Variants in ANKRD36 observed in about 807,000 individuals in gnomAD.
The protein encoded by ANKRD36 is ankyrin repeat domain-containing protein 36A.
In ANKRD36, 179 loss-of-function variants were observed where a neutral mutation model predicts 278.1. The observed-to-expected ratio is 0.64, with a 90% CI of 0.57 to 0.73. The LOEUF (loss-of-function observed/expected upper bound fraction) is 0.73. Ranked by LOEUF, ANKRD36 falls within the 30% of genes least tolerant of loss-of-function variation. The pLI is 0.00. For missense variants in ANKRD36, 1,159 were observed against 1,956.7 expected (o/e 0.59, Z 7.69); for synonymous variants, 320 against 641.1 (o/e 0.50, Z 7.57).
rs757600422 is a variant in ANKRD36 at position 97,196,697 on chromosome 2, C to A, written c.2581-19C>A. On this transcript the variant is annotated intron_variant, in intron 41 of 75. Coordinates refer to ENST00000420699, the MANE Select transcript of ANKRD36 (RefSeq NM_001354587.1). ...AACATACTTTATTTATTTATTATTTCGTTTCAAATTCCATTCAGGGTACAA... is the reference window on the plus strand; with the variant it reads ...AACATACTTTATTTATTTATTATTTAGTTTCAAATTCCATTCAGGGTACAA... The A allele has an allele frequency of 1.9e-6, 3 of 1,574,616 alleles. No homozygotes were observed. Among genetic ancestry groups the A allele is most frequent in the Non-Finnish European group, 1.7e-6 (2 of 1,164,316 alleles).
rs778042710 is a variant in ANKRD36 at position 97,211,579 on chromosome 2, T to G, written c.3396+5T>G. On this transcript the variant is annotated splice_donor_5th_base_variant and intron_variant, in intron 57 of 75. Transcript: ENST00000420699. Reference sequence around the variant, plus strand: ...CCGAAACAACCAGCATTGAAGGTAATTAAGCTCTCATTTATATTTTGAACT... The same window carrying G: ...CCGAAACAACCAGCATTGAAGGTAAGTAAGCTCTCATTTATATTTTGAACT... The G allele has an allele frequency of 1.9e-6, 3 of 1,607,020 alleles. No individual in the cohort carries two copies. Among genetic ancestry groups the G allele is most frequent in the African/African-American group, 2.7e-5 (2 of 74,624 alleles).
At chr2:97,193,644 A>G (rs373450243) in intron 38 of ANKRD36, among the ~76,000 whole-genome samples, 2 of 151,754 alleles carry the variant, frequency 1.3e-5, no homozygotes, top group East Asian at 3.9e-4. Flanking sequence ...TGGCTACTCC[A>G]GGAACTACTG....
At chr2:97,228,161 A>T (rs1263859371) in intron 67 of ANKRD36, among the ~76,000 whole-genome samples, 1 of 152,108 alleles carries the variant, frequency 6.6e-6, no homozygotes, top group East Asian at 2.0e-4. Context: ...AAAATGAGTT[A>T]GGGAGGGTTC....
At chr2:97,261,072 A>G (rs1289776627) in intron 75 of ANKRD36, among the ~76,000 whole-genome samples, 3 of 125,758 alleles carry the variant, frequency 2.4e-5, no homozygotes, top group Non-Finnish European at 1.5e-5. Context: ...CACATCAGCA[A>G]TAATACCATT....
At chr2:97,228,026 G>T (rs1397572190) in intron 67 of ANKRD36, among the ~76,000 whole-genome samples, 2 of 152,110 alleles carry the variant, frequency 1.3e-5, no homozygotes, top group African/African-American at 4.8e-5. Flanking sequence ...TGTGCTGCTG[G>T]ATTTGGTTTG....
At chr2:97,225,697 C>T (rs1370746895) in intron 67 of ANKRD36, among the ~76,000 whole-genome samples, 1 of 151,932 alleles carries the variant, frequency 6.6e-6, no homozygotes, top group Non-Finnish European at 1.5e-5. Flanking sequence ...CATATGTATA[C>T]ACGTGCCATG....
At chr2:97,135,835 T>G (rs1297302380) in intron 6 of ANKRD36, among the ~76,000 whole-genome samples, 1 of 151,998 alleles carries the variant, frequency 6.6e-6, no homozygotes, top group Non-Finnish European at 1.5e-5. Flanking sequence ...TGTATACATC[T>G]GGAATTTTAT....
chr2:97,163,607 A>G (rs796877066), intron 18 of ANKRD36: 10,502 of 125,378 alleles, frequency 0.084, 1 homozygote, highest in South Asian at 0.11. Flanking sequence ...ACGGAGTCTC[A>G]CTCTGTCACC....
At chr2:97,201,058 A>G (rs1367021041) in intron 46 of ANKRD36, among the ~76,000 whole-genome samples, 33 of 151,842 alleles carry the variant, frequency 2.2e-4, no homozygotes, top group Non-Finnish European at 4.7e-4. Context: ...ACCTGAGTGA[A>G]CTCACTTCAG....
intron 44 of ANKRD36, among the ~76,000 whole-genome samples, chr2:97,199,301 C>T (rs1217331991): frequency 6.6e-6 from 1 of 151,904 alleles, no homozygotes; most frequent in Non-Finnish European, 1.5e-5. Context: ...ACCACACTGA[C>T]CCCTTACTCT....
intron 6 of ANKRD36, among the ~76,000 whole-genome samples, chr2:97,130,030 G>A (rs1443357994): frequency 6.6e-6 from 1 of 151,952 alleles, no homozygotes; most frequent in East Asian, 1.9e-4. Context: ...AGCTTGATGG[G>A]GATGGCATTG....
At position 97,135,926 on chromosome 2, in the gene ANKRD36, G is replaced by A. The variant is rs200960942; in HGVS notation, c.800-6714G>A. On this transcript the variant is annotated intron_variant, in intron 6 of 75. Coordinates refer to ENST00000420699, the MANE Select transcript of ANKRD36 (RefSeq NM_001354587.1). The stretch of plus-strand genomic sequence containing the variant: ...TGTCATATTATGAAATATATATTTG[G>A]TCTTCAACCCCATTTTCTGTCATAC... Among the ~76,000 whole-genome samples the A allele has an allele frequency of 3.8e-3, 582 of 151,830 alleles. 18 individuals carry two copies. The East Asian group carries it at 0.06, about 16-fold the overall frequency.
intron 6 of ANKRD36, among the ~76,000 whole-genome samples, chr2:97,129,654 T>G (rs1194015612): frequency 6.6e-6 from 1 of 152,040 alleles, no homozygotes; most frequent in Non-Finnish European, 1.5e-5. Context: ...TTGTATAAGG[T>G]GTAAGGAAGG....
intron 1 of ANKRD36, among the ~76,000 whole-genome samples, chr2:97,116,839 C>A (rs570649188): frequency 6.6e-6 from 1 of 152,008 alleles, no homozygotes; most frequent in South Asian, 2.1e-4. Context: ...TAGTTTTTTT[C>A]ATAATAAACT....
chr2:97,137,251 A>G (rs1369064263), intron 6 of ANKRD36, among the ~76,000 whole-genome samples: 1 of 151,788 alleles, frequency 6.6e-6, no homozygotes, highest in Non-Finnish European at 1.5e-5. Flanking sequence ...GGTTCAAGCG[A>G]TTCTCCTGTC....
At position 97,118,287 on chromosome 2, in the gene ANKRD36, C is replaced by T. The variant is rs1385136854; in HGVS notation, c.313-57C>T. 10 of 1,610,574 alleles carry T rather than the reference C, an allele frequency of 6.2e-6. No individual in the cohort carries two copies. The East Asian group carries it at 8.9e-5, about 14-fold the overall frequency. On this transcript the variant is annotated intron_variant, in intron 2 of 75. Coordinates refer to ENST00000420699, the MANE Select transcript of ANKRD36 (RefSeq NM_001354587.1). ...ACCATATAACTAGTAGGAAATCCTACGGAGTGTTTATTTTGATTTTTCAGT... is the reference window on the plus strand; with the variant it reads ...ACCATATAACTAGTAGGAAATCCTATGGAGTGTTTATTTTGATTTTTCAGT...
In ANKRD36 at chr2:97,113,219, C is replaced by A. The variant is rs188657605; in HGVS notation, c.-521C>A. ...GGCTGCAGCTGTGGCAACCCCGGAT[C>A]CCGTCCTCCCGCCTCGCACCCATCA... On this transcript the variant is annotated 5_prime_UTR_variant, in exon 1 of 76. Coordinates refer to ENST00000420699, the MANE Select transcript of ANKRD36 (RefSeq NM_001354587.1). 4.0e-4 allele frequency among the ~76,000 whole-genome samples: 61 copies of A among 151,806 alleles called. No individual in the cohort carries two copies. Among genetic ancestry groups the A allele is most frequent in the Admixed American group, 7.2e-4 (11 of 15,204 alleles).
chr2:97,188,248 C>T (rs2057839263), intron 32 of ANKRD36, among the ~76,000 whole-genome samples: 1 of 151,594 alleles, frequency 6.6e-6, no homozygotes. Flanking sequence ...TATTTTAGAA[C>T]AAAAATTATG....
intron 6 of ANKRD36, among the ~76,000 whole-genome samples, chr2:97,141,061 GT>G (rs945317039): frequency 3.4e-5 from 5 of 147,074 alleles, no homozygotes; most frequent in African/African-American, 5.0e-5. Flanking sequence ...TAGAAAAAGT[GT>G]TTTTTTTTTC....
Sources: gnomAD v4.1 joint callset for allele counts (sites outside exome capture counted in the v4.1 genomes callset) on GRCh38, gnomAD v4.1.1 for gene constraint, MANE v1.5 for transcripts, NCBI Gene and HGNC (gene_info 2026-07-23, HGNC 2026-07-21) for gene names.